RIPOR2: variants seen among roughly 807,000 people sequenced by gnomAD.
RIPOR2 encodes rho family-interacting cell polarization regulator 2.
RIPOR2 carries 39 observed loss-of-function variants against 114.5 expected under a neutral mutation model. The ratio of observed to expected loss-of-function variants is 0.34; its 90% CI spans 0.26 to 0.44. RIPOR2 has a LOEUF of 0.44. Ranked by LOEUF, RIPOR2 falls within the 20% of genes least tolerant of loss-of-function variation. The pLI is 1.00. For missense variants in RIPOR2, 1,007 were observed against 1,255.1 expected (o/e 0.80, Z 2.99); for synonymous variants, 445 against 484.4 (o/e 0.92, Z 1.07).
chr6:24,957,718 C>G (rs1436444753), intron 1 of RIPOR2, among the ~76,000 whole-genome samples: 1 of 147,880 alleles, frequency 6.8e-6, no homozygotes, highest in East Asian at 1.9e-4. Context: ...CTGAAAAATA[C>G]AAAAAAATTA....
chr6:24,812,002 T>C (rs370588250), intron 20 of RIPOR2, among the ~76,000 whole-genome samples: 1 of 7,364 alleles, frequency 1.4e-4, no homozygotes, highest in African/African-American at 2.0e-4. Context: ...CTACAAAGGA[T>C]ATGAACTCAT....
At chr6:24,980,054 G>A (rs1183085303) in intron 1 of RIPOR2, among the ~76,000 whole-genome samples, 1 of 152,218 alleles carries the variant, frequency 6.6e-6, no homozygotes, top group Non-Finnish European at 1.5e-5. Context: ...CAGAAGCCCA[G>A]GTTAAAGCCC....
chr6:24,901,391 A>G (rs1031200223), intron 1 of RIPOR2, among the ~76,000 whole-genome samples: 1 of 152,216 alleles, frequency 6.6e-6, no homozygotes. Context: ...CCAAAACAAA[A>G]ACTACATCTG....
rs559200127 is a variant in RIPOR2, at chr6:24,947,191, G to A, written c.77-71374C>T. On this transcript the variant is annotated intron_variant, in intron 1 of 13. Transcript: ENST00000510784. ...CTTCAGCCTTCCCTCCCGCAAATTC[G>A]GCTCTGGGTGCCTATCAATGCTACA... 8.9e-4 allele frequency among the ~76,000 whole-genome samples: 136 copies of A among 152,126 alleles called. No homozygotes were observed. In the Middle Eastern group the frequency reaches 0.01, roughly 11 times the overall value.
intron 12 of RIPOR2, among the ~76,000 whole-genome samples, chr6:24,846,498 G>A (rs931772970): frequency 2.0e-5 from 3 of 151,840 alleles, no homozygotes; most frequent in African/African-American, 7.3e-5. Context: ...TAGAGACGGG[G>A]TCTCACTTTG....
At chr6:24,836,826 ACACACT>A (rs1268035900) in intron 14 of RIPOR2, among the ~76,000 whole-genome samples, 6 of 140,796 alleles carry the variant, frequency 4.3e-5, no homozygotes, top group Non-Finnish European at 8.3e-5. Flanking sequence ...ACACACACAC[ACACACT>A]CTCTCTCTCT....
In RIPOR2 at chr6:25,024,112, C is replaced by T. The variant is rs1167990884; in HGVS notation, c.76+17739G>A. 31 of 826,452 alleles carry T rather than the reference C, an allele frequency of 3.8e-5. 1 individual carries two copies. In the South Asian group the frequency reaches 4.0e-4, roughly 11 times the overall value. The allele number at this position is 826,452 out of a possible 1,614,324, so 51.2% of individuals were successfully genotyped here. A position where few individuals can be genotyped will look rare whatever the true frequency, so the allele number is the denominator to read the frequency against. ...CAGCGAGTACCAGGTGAGCTCAAAC[C>T]GGACCTGATATTCCCCTTACCGGTG... On this transcript the variant is annotated intron_variant, in intron 1 of 13. Coordinates refer to the RIPOR2 transcript ENST00000510784.
intron 12 of RIPOR2, chr6:24,847,674 G>A (rs1200971754): frequency 6.4e-7 from 1 of 1,551,088 alleles, no homozygotes; most frequent in African/African-American, 1.4e-5. Context: ...GCTTGTCTGG[G>A]GAAGGATGCA....
At chr6:25,041,709 G>A in intron 1 of RIPOR2, 7 of 592,260 alleles carry the variant, frequency 1.2e-5, no homozygotes, top group South Asian at 6.1e-5. Context: ...AAAGTCCATT[G>A]GAAAACGGAG....
chr6:24,877,056 A>C, intron 1 of RIPOR2: 2 of 985,422 alleles, frequency 2.0e-6, no homozygotes, highest in South Asian at 9.4e-5. Context: ...GCAGACAACA[A>C]ATCGGTATGT....
intron 1 of RIPOR2, chr6:24,976,270 T>C (rs1249713671): frequency 3.2e-6 from 2 of 617,396 alleles, no homozygotes; most frequent in Non-Finnish European, 5.7e-6. Context: ...TAGTTACATA[T>C]ATTAGAACGT....
intron 1 of RIPOR2, among the ~76,000 whole-genome samples, chr6:25,000,428 C>G (rs886653598): frequency 2.0e-5 from 3 of 152,184 alleles, no homozygotes; most frequent in African/African-American, 4.8e-5. Context: ...TGAGCCCAGC[C>G]CTGTCCCTGA....
chr6:24,846,356 G>C (rs1209574462), intron 12 of RIPOR2, among the ~76,000 whole-genome samples: 1 of 141,804 alleles, frequency 7.1e-6, no homozygotes, highest in Non-Finnish European at 1.5e-5. Flanking sequence ...GTCCAGACTG[G>C]ACTGCAGTGG....
chr6:24,881,337 C>T (rs922673260), intron 1 of RIPOR2, among the ~76,000 whole-genome samples: 1 of 152,158 alleles, frequency 6.6e-6, no homozygotes, highest in African/African-American at 2.4e-5. Flanking sequence ...CCAGAAAGGA[C>T]TCAAATCCTA....
intron 19 of RIPOR2, 65 bp from the exon 20 acceptor site, chr6:24,818,690 C>T: frequency 3.3e-6 from 3 of 918,426 alleles, no homozygotes; most frequent in Non-Finnish European, 4.9e-6. Flanking sequence ...AGGTATACCT[C>T]ATTCTTACTC....
chr6:25,006,712 A>C (rs1195196309), intron 1 of RIPOR2, among the ~76,000 whole-genome samples: 1 of 152,236 alleles, frequency 6.6e-6, no homozygotes, highest in East Asian at 1.9e-4. Flanking sequence ...TACCAGAGCC[A>C]CGAGAGTTCT....
chr6:25,019,432 A>G (rs540146102), intron 1 of RIPOR2, among the ~76,000 whole-genome samples: 3 of 152,226 alleles, frequency 2.0e-5, no homozygotes, highest in East Asian at 1.9e-4. Flanking sequence ...AATCAGGAAC[A>G]TAGCTAATAA....
intron 19 of RIPOR2, among the ~76,000 whole-genome samples, chr6:24,822,047 C>T (rs1196613604): frequency 1.3e-5 from 2 of 152,188 alleles, no homozygotes; most frequent in Admixed American, 1.3e-4. Flanking sequence ...GCTATGATTG[C>T]ACCACCTGGG....
rs527995158 is a variant in RIPOR2, at chr6:24,841,718, A to G, written c.1857+1144T>C. ...CTACAACCTCTGCCTCCTTGGCTCA[A>G]GCGATTCTTCCACCTCAGCCTCCCT... On this transcript the variant is annotated intron_variant, in intron 13 of 21. Coordinates refer to ENST00000643898, the MANE Select transcript of RIPOR2 (RefSeq NM_001286445.3). 5.7e-4 allele frequency among the ~76,000 whole-genome samples: 87 copies of G among 151,770 alleles called. No individual in the cohort carries two copies. The South Asian group carries it at 0.013, about 23-fold the overall frequency.
Sources: allele counts gnomAD v4.1 joint callset (sites outside exome capture counted in the v4.1 genomes callset), GRCh38; gene constraint gnomAD v4.1.1; transcripts MANE v1.5; gene names NCBI Gene and HGNC (gene_info 2026-07-23, HGNC 2026-07-21).